The following UNC5C variants were observed in gnomAD, a reference collection of about 807,000 sequenced individuals.
The protein encoded by UNC5C is netrin receptor UNC5C.
In UNC5C, 47 loss-of-function variants were observed where a neutral mutation model predicts 99.8. The ratio of observed to expected loss-of-function variants is 0.47; its 90% CI spans 0.37 to 0.60. The LOEUF (loss-of-function observed/expected upper bound fraction) is 0.60, where lower values mean the gene tolerates loss of function less well. Ranked by LOEUF, UNC5C falls within the 20% of genes least tolerant of loss-of-function variation. The probability of loss-of-function intolerance (pLI) is 0.00; values close to 1 mark genes in which losing one functional copy is unlikely to be tolerated. For synonymous variants in UNC5C, 487 were observed against 452.2 expected (o/e 1.08, Z -0.98); for missense variants, 1,062 against 1,165.9 (o/e 0.91, Z 1.30).
intron 1 of UNC5C, among the ~76,000 whole-genome samples, chr4:95,482,217 T>C (rs1721179532): frequency 6.6e-6 from 1 of 151,366 alleles, no homozygotes; most frequent in South Asian, 2.1e-4. Flanking sequence ...CAGACACTTC[T>C]CAAAAGAAGA....
chr4:95,415,407 G>A (rs190608535), intron 1 of UNC5C, among the ~76,000 whole-genome samples: 2 of 151,994 alleles, frequency 1.3e-5, no homozygotes, highest in East Asian at 3.9e-4. Flanking sequence ...GTGGCTTTCT[G>A]AAACCAAATC....
At chr4:95,215,412 G>A (rs1738212988) in intron 10 of UNC5C, among the ~76,000 whole-genome samples, 2 of 152,144 alleles carry the variant, frequency 1.3e-5, no homozygotes, top group Non-Finnish European at 1.5e-5. Context: ...ATTTTACATG[G>A]AAACTAATCA....
At chr4:95,226,622 A>G (rs1048265786) in intron 7 of UNC5C, among the ~76,000 whole-genome samples, 1 of 152,194 alleles carries the variant, frequency 6.6e-6, no homozygotes, top group Non-Finnish European at 1.5e-5. Context: ...AGCCGTATGC[A>G]ATGCTCTCTT....
chr4:95,379,732 A>C (rs1351792668), intron 1 of UNC5C, among the ~76,000 whole-genome samples: 1 of 152,166 alleles, frequency 6.6e-6, no homozygotes, highest in African/African-American at 2.4e-5. Flanking sequence ...ACTTAGTTTC[A>C]CATGGTGGTA....
intron 12 of UNC5C, among the ~76,000 whole-genome samples, chr4:95,201,449 G>A (rs1560729430): frequency 6.6e-6 from 1 of 152,080 alleles, no homozygotes. Context: ...TTTCTAATAT[G>A]TATTTTCAAT....
At chr4:95,311,725 A>G (rs1006403981) in intron 2 of UNC5C, among the ~76,000 whole-genome samples, 7 of 152,134 alleles carry the variant, frequency 4.6e-5, no homozygotes, top group Non-Finnish European at 1.0e-4. Flanking sequence ...TTTCTTTTCC[A>G]TGTGCTGAGG....
intron 1 of UNC5C, among the ~76,000 whole-genome samples, chr4:95,443,288 A>G (rs1747003996): frequency 6.6e-6 from 1 of 152,278 alleles, no homozygotes; most frequent in African/African-American, 2.4e-5. Flanking sequence ...CATCTTAGAG[A>G]TCAGGGAGGG....
At chr4:95,274,205 G>T (rs1740768718) in intron 4 of UNC5C, among the ~76,000 whole-genome samples, 1 of 152,128 alleles carries the variant, frequency 6.6e-6, no homozygotes, top group Non-Finnish European at 1.5e-5. Context: ...CAGGTACACT[G>T]GTTCATCCAT....
chr4:95,428,541 T>C (rs958597970), intron 1 of UNC5C, among the ~76,000 whole-genome samples: 25 of 152,152 alleles, frequency 1.6e-4, no homozygotes, highest in African/African-American at 6.0e-4. Flanking sequence ...AGTGTACAGA[T>C]GCTGGAGTCC....
intron 1 of UNC5C, among the ~76,000 whole-genome samples, chr4:95,361,788 A>G (rs1354346695): frequency 1.3e-5 from 2 of 152,180 alleles, no homozygotes; most frequent in Non-Finnish European, 2.9e-5. Context: ...CAAAAAAATC[A>G]AACTGCCTTT....
rs914827347 is a variant in UNC5C at position 95,226,775 on chromosome 4, A to T, written c.1109-6599T>A. On this transcript the variant is annotated intron_variant, in intron 7 of 15. Coordinates refer to ENST00000453304, the MANE Select transcript of UNC5C (RefSeq NM_003728.4). Reference sequence around the variant, plus strand: ...ATGGTAAAAAGGTATCTCAACCAAGAGTGATGCAATTTCTCAAGAGGGTGT... The same window carrying T: ...ATGGTAAAAAGGTATCTCAACCAAGTGTGATGCAATTTCTCAAGAGGGTGT... Among the ~76,000 whole-genome samples the T allele has an allele frequency of 2.0e-5, 3 of 152,084 alleles. No homozygotes were observed. The East Asian group carries it at 5.8e-4, about 29-fold the overall frequency.
chr4:95,548,673 G>T, intron 1 of UNC5C, 61 bp downstream of exon 1: 1 of 1,572,746 alleles, frequency 6.4e-7, no homozygotes. Context: ...GGGAGGAGGA[G>T]AGGAAGGAGG....
At chr4:95,520,643 G>C (rs553595687) in intron 1 of UNC5C, among the ~76,000 whole-genome samples, 374 of 149,468 alleles carry the variant, frequency 2.5e-3, no homozygotes, top group Middle Eastern at 0.01. Flanking sequence ...CTGTCGCCCA[G>C]GCTGGACTGC....
intron 1 of UNC5C, among the ~76,000 whole-genome samples, chr4:95,481,618 G>A (rs1411878852): frequency 6.6e-6 from 1 of 152,054 alleles, no homozygotes; most frequent in African/African-American, 2.4e-5. Flanking sequence ...TATCTACAAG[G>A]CTACAGTAAC....
intron 1 of UNC5C, among the ~76,000 whole-genome samples, chr4:95,475,257 T>G (rs932591575): frequency 6.6e-6 from 1 of 152,006 alleles, no homozygotes; most frequent in Non-Finnish European, 1.5e-5. Context: ...CCATGAAAGA[T>G]CCACATTATT....
chr4:95,172,733 G>C (rs1489296742), intron 14 of UNC5C, among the ~76,000 whole-genome samples: 1 of 151,598 alleles, frequency 6.6e-6, no homozygotes, highest in Non-Finnish European at 1.5e-5. Flanking sequence ...GCTCTTTTTT[G>C]GTTCCATATG....
intron 9 of UNC5C, 27 bp from the exon 10 acceptor site, chr4:95,216,238 A>G: frequency 6.3e-7 from 1 of 1,587,778 alleles, no homozygotes; most frequent in Non-Finnish European, 8.6e-7. Context: ...AAAAGCAGTC[A>G]TTTAAGACTT....
chr4:95,223,209 G>A (rs370438951), intron 7 of UNC5C, among the ~76,000 whole-genome samples: 17 of 152,208 alleles, frequency 1.1e-4, no homozygotes, highest in East Asian at 5.8e-4. Context: ...AAGTTTTAAA[G>A]TATATCTTAT....
intron 1 of UNC5C, among the ~76,000 whole-genome samples, chr4:95,522,425 TGA>T (rs946186179): frequency 3.9e-5 from 6 of 151,926 alleles, no homozygotes; most frequent in African/African-American, 1.5e-4. Context: ...CAGGTGTGCA[TGA>T]GAGAGAGACA....
Sources: gnomAD v4.1 joint callset for allele counts (sites outside exome capture counted in the v4.1 genomes callset) on GRCh38, gnomAD v4.1.1 for gene constraint, MANE v1.5 for transcripts, NCBI Gene and HGNC (gene_info 2026-07-23, HGNC 2026-07-21) for gene names.